PPFIA2: variants seen among roughly 807,000 people sequenced by gnomAD.
PPFIA2 encodes the protein liprin-alpha-2.
Under a neutral mutation model 175.5 loss-of-function variants are expected in PPFIA2, and 46 were observed. That is an observed-to-expected ratio of 0.26 (90% CI 0.21 to 0.34). The LOEUF (loss-of-function observed/expected upper bound fraction) is 0.34. Among genes scored for constraint, PPFIA2 ranks in the 10% least tolerant of loss-of-function variants. PPFIA2 has a pLI of 1.00. For missense variants in PPFIA2, 1,179 were observed against 1,506.1 expected (o/e 0.78, Z 3.60); for synonymous variants, 568 against 511.4 (o/e 1.11, Z -1.49).
intron 31 of PPFIA2, 63 bp downstream of exon 31, chr12:81,263,168 A>T: frequency 1.4e-6 from 2 of 1,430,456 alleles, no homozygotes; most frequent in Non-Finnish European, 1.9e-6. Flanking sequence ...AGGTCAGAGA[A>T]TTATACTAGC....
chr12:81,321,042 T>A (rs1921046), intron 22 of PPFIA2, among the ~76,000 whole-genome samples: 1 of 150,094 alleles, frequency 6.7e-6, no homozygotes, highest in Admixed American at 6.7e-5. Flanking sequence ...AAAGCAAAAA[T>A]AAATAAATAA....
chr12:81,635,661 TAGCTGG>T (rs1486946751), intron 4 of PPFIA2, among the ~76,000 whole-genome samples: 3 of 152,196 alleles, frequency 2.0e-5, no homozygotes, highest in African/African-American at 7.2e-5. Flanking sequence ...GCCCTGCTGT[TAGCTGG>T]AACAGCACCA....
intron 5 of PPFIA2, among the ~76,000 whole-genome samples, chr12:81,452,940 G>T (rs1593218328): frequency 6.6e-6 from 1 of 151,846 alleles, no homozygotes; most frequent in Non-Finnish European, 1.5e-5. Flanking sequence ...ACTGTTTCTT[G>T]AAATCATAAC....
chr12:81,635,740 A>AT (rs1567658586), intron 4 of PPFIA2, among the ~76,000 whole-genome samples: 1 of 152,192 alleles, frequency 6.6e-6, no homozygotes, highest in South Asian at 2.1e-4. Context: ...CAGAAAAAAA[A>AT]GCCAAGTGGA....
chr12:81,588,837 C>A (rs964080525), intron 4 of PPFIA2, among the ~76,000 whole-genome samples: 3 of 151,990 alleles, frequency 2.0e-5, no homozygotes, highest in Admixed American at 6.6e-5. Flanking sequence ...TCTTTCTAAC[C>A]ACCTGGACTG....
chr12:81,446,165 A>T (rs1485595477), intron 5 of PPFIA2, among the ~76,000 whole-genome samples: 2 of 152,246 alleles, frequency 1.3e-5, no homozygotes, highest in African/African-American at 4.8e-5. Context: ...TAATCATTAA[A>T]ATGTTACTTT....
At chr12:81,591,029 C>T (rs1408866453) in intron 4 of PPFIA2, among the ~76,000 whole-genome samples, 1 of 152,084 alleles carries the variant, frequency 6.6e-6, no homozygotes, top group African/African-American at 2.4e-5. Context: ...TTGGAACTTC[C>T]TAGAGACTTA....
intron 32 of PPFIA2, chr12:81,260,397 G>A (rs2035016857): frequency 6.6e-6 from 1 of 152,144 alleles, no homozygotes; most frequent in South Asian, 2.1e-4. Flanking sequence ...TAAGAAGCAA[G>A]CACTATTGAA....
At chr12:81,419,730 A>T (rs1343794870) in intron 7 of PPFIA2, among the ~76,000 whole-genome samples, 1 of 152,158 alleles carries the variant, frequency 6.6e-6, no homozygotes, top group Non-Finnish European at 1.5e-5. Context: ...AGAAGGAATA[A>T]AGAGTATATA....
chr12:81,737,363 T>C (rs1397787962), intron 3 of PPFIA2, among the ~76,000 whole-genome samples: 3 of 151,958 alleles, frequency 2.0e-5, no homozygotes, highest in African/African-American at 7.2e-5. Context: ...AAATAATCCC[T>C]GGATGACAGA....
At chr12:81,600,904 T>C (rs2059723376) in intron 4 of PPFIA2, among the ~76,000 whole-genome samples, 1 of 151,978 alleles carries the variant, frequency 6.6e-6, no homozygotes, top group African/African-American at 2.4e-5. Context: ...GTAAACTGGG[T>C]CTAACACAAT....
intron 3 of PPFIA2, among the ~76,000 whole-genome samples, chr12:81,711,228 AAAAAAT>A (rs1256631514): frequency 2.0e-5 from 3 of 151,306 alleles, no homozygotes; most frequent in African/African-American, 7.2e-5. Context: ...ATTCTGTCTC[AAAAAAT>A]AAAAATAAAA....
intron 4 of PPFIA2, among the ~76,000 whole-genome samples, chr12:81,491,354 CCATTT>C (rs536432725): frequency 5.5e-4 from 83 of 151,950 alleles, no homozygotes; most frequent in African/African-American, 1.9e-3. Flanking sequence ...TTCCTCATCT[CCATTT>C]ATTTCCTCAT....
At chr12:81,453,073 C>T (rs981596296) in intron 5 of PPFIA2, among the ~76,000 whole-genome samples, 1 of 150,838 alleles carries the variant, frequency 6.6e-6, no homozygotes, top group South Asian at 2.1e-4. Flanking sequence ...TATACATGTG[C>T]CATGCTGGTG....
At position 81,363,294 on chromosome 12, in the gene PPFIA2, A is replaced by AATTAATTT. The variant is rs1566455270; in HGVS notation, c.1546-511_1546-510insAAATTAAT. On this transcript the variant is annotated intron_variant, in intron 14 of 32. Coordinates refer to ENST00000549396, the MANE Select transcript of PPFIA2 (RefSeq NM_003625.5). ...TTTAAAAAATATTAATTAATTAATT[A>AATTAATTT]ATTTATTTATTTATTTAAAGACAGG... Among the ~76,000 whole-genome samples, 57 of 151,208 alleles carry AATTAATTT rather than the reference A, an allele frequency of 3.8e-4. 1 individual carries two copies. The East Asian group carries it at 4.3e-3, about 11-fold the overall frequency.
rs374244451 is a variant in PPFIA2, at chr12:81,630,048, C to T, written c.303+46743G>A. 1.6e-3 allele frequency among the ~76,000 whole-genome samples: 248 copies of T among 152,216 alleles called. 1 individual carries two copies. The highest frequency in any genetic ancestry group is 5.8e-3 in the African/African-American group (241 of 41,514). Reference sequence around the variant, plus strand: ...GAGTGATTTGAAGATGCTTATCCTGCTGGTTTGTGGCTGAAGGGACCATAA... The same window carrying T: ...GAGTGATTTGAAGATGCTTATCCTGTTGGTTTGTGGCTGAAGGGACCATAA... On this transcript the variant is annotated intron_variant, in intron 4 of 32. Transcript: ENST00000549396.
intron 4 of PPFIA2, among the ~76,000 whole-genome samples, chr12:81,668,458 T>C (rs2153560047): frequency 6.6e-6 from 1 of 152,182 alleles, no homozygotes; most frequent in South Asian, 2.1e-4. Context: ...GGAATGCACA[T>C]TAATTTATTT....
At chr12:81,610,762 A>G (rs1459870451) in intron 4 of PPFIA2, among the ~76,000 whole-genome samples, 1 of 152,150 alleles carries the variant, frequency 6.6e-6, no homozygotes, top group African/African-American at 2.4e-5. Context: ...ACCATTGCTG[A>G]GGAGCTAGTG....
At chr12:81,333,876 G>A (rs1299134163) in intron 21 of PPFIA2, among the ~76,000 whole-genome samples, 2 of 152,108 alleles carry the variant, frequency 1.3e-5, no homozygotes, top group African/African-American at 4.8e-5. Flanking sequence ...CATGCCACGA[G>A]AAACTTTGAT....
Sources: allele counts gnomAD v4.1 joint callset (sites outside exome capture counted in the v4.1 genomes callset), GRCh38; gene constraint gnomAD v4.1.1; transcripts MANE v1.5; gene names NCBI Gene and HGNC (gene_info 2026-07-23, HGNC 2026-07-21).